URI1: variants seen among roughly 807,000 people sequenced by gnomAD.
URI1 encodes the protein URI1 prefoldin like chaperone, also known as unconventional prefoldin RPB5 interactor 1.
URI1 carries 39 observed loss-of-function variants against 60.2 expected under a neutral mutation model. That is an observed-to-expected ratio of 0.65 (90% CI 0.50 to 0.85). The LOEUF is 0.85. URI1 is among the 40% of genes least tolerant of loss of function. The probability of loss-of-function intolerance (pLI) is 0.00; values close to 1 mark genes in which losing one functional copy is unlikely to be tolerated. For missense variants in URI1, 691 were observed against 665.9 expected, an observed-to-expected ratio of 1.04 and a Z score of -0.42; for synonymous variants, 251 against 236.8, an observed-to-expected ratio of 1.06 and a Z score of -0.55.
chr19:29,940,744 C>T (rs335028), upstream of URI1, among the ~76,000 whole-genome samples: 520 of 152,286 alleles, frequency 3.4e-3, 3 homozygotes, highest in African/African-American at 0.012. Flanking sequence ...ACCCCCTTTG[C>T]CTGGAGCTAG....
Position 30,015,184 on chromosome 19 carries a change from G to T in URI1, c.*115G>T. ...GAAATAAGGTATCCTGAGTTACTTT[G>T]GCAACAAGTTCTTTTACCCTTACCC... is the stretch of plus-strand genomic sequence containing the variant. On this transcript the variant is annotated 3_prime_UTR_variant, in exon 11 of 11. Transcript: ENST00000392271. 1 of 1,452,066 alleles carries T rather than the reference G, an allele frequency of 6.9e-7. No homozygotes were observed. The highest frequency in any genetic ancestry group is 1.4e-5 in the African/African-American group (1 of 69,754). 89.9% of individuals were successfully genotyped at this position (1,452,066 alleles called of 1,614,324 possible). A position where few individuals can be genotyped will look rare whatever the true frequency, so the allele number is the denominator to read the frequency against.
At chr19:30,011,593 T>C (rs1208135026) in intron 9 of URI1, among the ~76,000 whole-genome samples, 1 of 151,848 alleles carries the variant, frequency 6.6e-6, no homozygotes, top group Non-Finnish European at 1.5e-5. Flanking sequence ...GTTTACCTTT[T>C]CAGAGTAGAA....
At chr19:29,945,463 A>G (rs1281774398) in intron 1 of URI1, among the ~76,000 whole-genome samples, 1 of 152,248 alleles carries the variant, frequency 6.6e-6, no homozygotes, top group Non-Finnish European at 1.5e-5. Flanking sequence ...GACAAGGGGC[A>G]TGAACAAGCC....
intron 1 of URI1, among the ~76,000 whole-genome samples, chr19:29,960,041 A>G (rs1449799433): frequency 6.6e-6 from 1 of 152,160 alleles, no homozygotes; most frequent in Non-Finnish European, 1.5e-5. Context: ...AGTCATTTAA[A>G]AATAGTTTCT....
chr19:29,948,668 T>C (rs1213454962), intron 1 of URI1, among the ~76,000 whole-genome samples: 1 of 152,194 alleles, frequency 6.6e-6, no homozygotes, highest in Non-Finnish European at 1.5e-5. Context: ...GGTAAGGTTA[T>C]AGATTAACAG....
At chr19:29,933,728 A>G (rs1479620221) in intron 1 of URI1, among the ~76,000 whole-genome samples, 2 of 151,752 alleles carry the variant, frequency 1.3e-5, no homozygotes, top group Non-Finnish European at 2.9e-5. Context: ...AGGCCGAGGC[A>G]GGAGCATTGC....
Position 29,957,054 on chromosome 19 carries a change from ATGTCATTT to A in URI1, c.118-14129_118-14122del, listed in dbSNP as rs2055257977. On this transcript the variant is annotated intron_variant, in intron 1 of 10. Coordinates refer to ENST00000392271, the MANE Select transcript of URI1 (RefSeq NM_003796.3). ...TCTTTTTAAGAATGCAAATTGGATGATGTCATTTTGTCATTTTCCTGCTTATAATTCTT... is the reference window on the plus strand; with the variant it reads ...TCTTTTTAAGAATGCAAATTGGATGATGTCATTTTCCTGCTTATAATTCTT... 7 of 558,658 alleles carry A rather than the reference ATGTCATTT, an allele frequency of 1.3e-5. No individual in the cohort carries two copies. In the South Asian group the frequency reaches 1.4e-4, roughly 11 times the overall value. The allele number at this position is 558,658 out of a possible 1,614,324, so 34.6% of individuals were successfully genotyped here.
chr19:29,972,899 A>C (rs145608582), intron 2 of URI1, among the ~76,000 whole-genome samples: 1 of 152,270 alleles, frequency 6.6e-6, no homozygotes, highest in Non-Finnish European at 1.5e-5. Flanking sequence ...ATCTTGAAGT[A>C]ATATAGTACT....
intron 1 of URI1, among the ~76,000 whole-genome samples, chr19:29,931,705 C>T (rs530159437): frequency 3.2e-4 from 49 of 152,250 alleles, no homozygotes; most frequent in African/African-American, 1.1e-3. Context: ...TTGTAGTTTT[C>T]GATGTACAAA....
intron 2 of URI1, among the ~76,000 whole-genome samples, chr19:29,976,583 A>G (rs2055525373): frequency 6.6e-6 from 1 of 152,218 alleles, no homozygotes; most frequent in Admixed American, 6.5e-5. Flanking sequence ...AGGCGTGAAA[A>G]AGAATTAATG....
At chr19:29,973,730 T>C (rs1016622096) in intron 2 of URI1, among the ~76,000 whole-genome samples, 1 of 152,078 alleles carries the variant, frequency 6.6e-6, no homozygotes, top group Admixed American at 6.5e-5. Context: ...TTAATTTAAA[T>C]CCTAGAACTT....
chr19:30,012,638 T>A, intron 10 of URI1, 107 bp downstream of exon 10: 9 of 1,362,714 alleles, frequency 6.6e-6, no homozygotes, highest in Non-Finnish European at 8.8e-6. Flanking sequence ...GGTTTTATAC[T>A]TTCTTGGTAC....
At position 30,008,888 on chromosome 19, in the gene URI1, G is replaced by A. The variant is rs1320828961; in HGVS notation, c.687-117G>A. 5 of 864,506 alleles carry A rather than the reference G, an allele frequency of 5.8e-6. No individual in the cohort carries two copies. In the Admixed American group the frequency reaches 1.0e-4, roughly 17 times the overall value. The allele number at this position is 864,506 out of a possible 1,614,324, so 53.6% of individuals were successfully genotyped here. A position where few individuals can be genotyped will look rare whatever the true frequency, so the allele number is the denominator to read the frequency against. On this transcript the variant is annotated intron_variant, in intron 7 of 10. Transcript: ENST00000392271. ...TTTTGTTTTTGAACTTAGAATTCTAGTTTTAAAAATACTTTATTCAAGATC... is the reference window on the plus strand; with the variant it reads ...TTTTGTTTTTGAACTTAGAATTCTAATTTTAAAAATACTTTATTCAAGATC...
At chr19:29,989,234 C>T (rs1453056550) in intron 4 of URI1, among the ~76,000 whole-genome samples, 2 of 151,230 alleles carry the variant, frequency 1.3e-5, no homozygotes, top group African/African-American at 2.4e-5. Context: ...CCTCAGCCTC[C>T]TGAGTAGCTG....
At chr19:30,006,759 G>A (rs1158457220) in intron 6 of URI1, among the ~76,000 whole-genome samples, 5 of 151,872 alleles carry the variant, frequency 3.3e-5, no homozygotes, top group South Asian at 4.2e-4. Flanking sequence ...CCATTACTTT[G>A]CTTTAATAAA....
chr19:29,954,429 T>A (rs549551767), intron 1 of URI1, among the ~76,000 whole-genome samples: 59 of 152,136 alleles, frequency 3.9e-4, no homozygotes, highest in African/African-American at 1.4e-3. Flanking sequence ...TGGTTCAAAA[T>A]CACAACTAAA....
In URI1 at chr19:30,015,866, G is replaced by A. The variant is rs1170213270; in HGVS notation, c.*797G>A. ...ACTGGGATTATGTTTTGGGAAACAA[G>A]GAAAGGTCTAGATGCTTAAACATTT... On this transcript the variant is annotated 3_prime_UTR_variant, in exon 11 of 11. Transcript: ENST00000392271. The A allele has an allele frequency of 3.1e-6, 1 of 325,920 alleles. No homozygotes were observed. The highest frequency in any genetic ancestry group is 5.5e-6 in the Non-Finnish European group (1 of 180,828). The allele number at this position is 325,920 out of a possible 1,614,324, so 20.2% of individuals were successfully genotyped here. A position where few individuals can be genotyped will look rare whatever the true frequency, so the allele number is the denominator to read the frequency against.
intron 1 of URI1, among the ~76,000 whole-genome samples, chr19:29,957,550 T>G (rs1174753678): frequency 1.3e-5 from 2 of 152,184 alleles, no homozygotes; most frequent in Non-Finnish European, 2.9e-5. Flanking sequence ...TTATAATAGG[T>G]CTTGATATCT....
At chr19:29,993,962 A>G (rs1312712561) in intron 4 of URI1, among the ~76,000 whole-genome samples, 1 of 151,808 alleles carries the variant, frequency 6.6e-6, no homozygotes, top group Non-Finnish European at 1.5e-5. Flanking sequence ...ATAGTATTAT[A>G]TTGTACTCTA....
Sources: allele counts gnomAD v4.1 joint callset (sites outside exome capture counted in the v4.1 genomes callset), GRCh38; gene constraint gnomAD v4.1.1; transcripts MANE v1.5; gene names NCBI Gene and HGNC (gene_info 2026-07-23, HGNC 2026-07-21).